Variants in RBBP7 observed in about 807,000 individuals in gnomAD.
RBBP7 encodes the protein histone-binding protein RBBP7.
In RBBP7, 5 loss-of-function variants were observed where a neutral mutation model predicts 35.2. The observed-to-expected ratio is 0.14, with a 90% CI of 0.07 to 0.30. RBBP7 has a LOEUF of 0.30. Ranked by LOEUF, RBBP7 falls within the 10% of genes least tolerant of loss-of-function variation. The pLI is 1.00. For synonymous variants in RBBP7, 140 were observed against 118.7 expected (o/e 1.18, Z -1.17); for missense variants, 155 against 327.5 (o/e 0.47, Z 4.07).
rs1453519762 is a variant in RBBP7, at chrX:16,845,954, A to C, written c.1099-16T>G. 1.7e-6 allele frequency: 2 copies of C among 1,200,516 alleles called. No homozygotes were observed. Among genetic ancestry groups the C allele is most frequent in the Non-Finnish European group, 2.2e-6 (2 of 892,195 alleles). On this transcript the variant is annotated splice_polypyrimidine_tract_variant and intron_variant, in intron 10 of 11. Transcript: ENST00000380087. ...CATGAATAAACTGTTACAAGAACAA[A>C]AAAAGCTTTGATTTCATATACTCTC...
At chrX:16,865,502 A>G (rs1930592908) in intron 2 of RBBP7, among the ~76,000 whole-genome samples, 1 of 111,975 alleles carries the variant, frequency 8.9e-6, no homozygotes, top group Non-Finnish European at 1.9e-5. Flanking sequence ...TAATTATTCC[A>G]GTTTTCCCCA....
intron 10 of RBBP7, chrX:16,846,853 T>G (rs1930090899): frequency 8.9e-6 from 1 of 112,030 alleles, no homozygotes; most frequent in Admixed American, 9.5e-5. Flanking sequence ...GAGGTGGGGC[T>G]GGGTAAAACT....
intron 6 of RBBP7, chrX:16,853,096 C>T (rs1930248681): frequency 1.2e-5 from 5 of 434,079 alleles, no homozygotes; most frequent in South Asian, 5.2e-5. Flanking sequence ...AAATTAGATT[C>T]CTATTTTAAT....
intron 5 of RBBP7, 114 bp downstream of exon 5, chrX:16,857,480 A>G (rs762727332): frequency 1.4e-4 from 155 of 1,091,099 alleles, no homozygotes; most frequent in Non-Finnish European, 1.8e-4. Flanking sequence ...ATGTTACCAC[A>G]ATAATCAGCA....
chrX:16,869,944 C>T, intron 1 of RBBP7, 94 bp downstream of exon 1: 3 of 751,696 alleles, frequency 4.0e-6, no homozygotes, highest in Non-Finnish European at 3.1e-6. Flanking sequence ...CTGCTCCGCA[C>T]GCCAATTCGC....
At chrX:16,855,142 C>T (rs924324977) in intron 5 of RBBP7, among the ~76,000 whole-genome samples, 1 of 109,561 alleles carries the variant, frequency 9.1e-6, no homozygotes, top group Non-Finnish European at 1.9e-5. Flanking sequence ...CTCCGCCTCC[C>T]GGGTTCAAGC....
intron 2 of RBBP7, among the ~76,000 whole-genome samples, chrX:16,867,935 T>C (rs768654323): frequency 9.1e-6 from 1 of 110,380 alleles, no homozygotes; most frequent in Non-Finnish European, 1.9e-5. Context: ...TCCGCCTGCC[T>C]CGGCCTCCCG....
intron 10 of RBBP7, chrX:16,848,618 G>T (rs5924560): frequency 0.51 from 56,487 of 110,751 alleles, 10,928 homozygotes; most frequent in East Asian, 0.85. Flanking sequence ...AGTGACTATC[G>T]GCCAAATAAT....
In RBBP7 at chrX:16,858,683, A is replaced by G. The variant is rs983326694; in HGVS notation, c.474T>C (p.Ala158=). ...VLVFDYTKHP[A]KPDPSGECNP... ...AACTCTATTATTACATACCTGGTTT[A>G]GCAGGGTGTTTTGTATAGTCAAAAA... Residue 158 remains alanine, a synonymous_variant, in exon 4 of 12, where the codon GCT becomes GCC. Transcript: ENST00000380087. The G allele has an allele frequency of 1.7e-6, 2 of 1,210,995 alleles. No homozygotes were observed. Among genetic ancestry groups the G allele is most frequent in the Admixed American group, 2.2e-5 (1 of 45,962 alleles).
At chrX:16,856,569 A>C (rs762822253) in intron 5 of RBBP7, among the ~76,000 whole-genome samples, 3 of 103,506 alleles carry the variant, frequency 2.9e-5, no homozygotes, top group Non-Finnish European at 6.1e-5. Context: ...ACAACAACAA[A>C]AACCAACTCC....
Position 16,844,744 on chromosome X carries a change from A to C in RBBP7, c.*291T>G. ...TCTTGCATATTTGGGAACAGCAAGC[A>C]CTTAGTTTGAGAAAATGAGGACTTA... On this transcript the variant is annotated 3_prime_UTR_variant, in exon 12 of 12. Transcript: ENST00000380087. 4.7e-6 allele frequency: 1 copy of C among 214,754 alleles called. No homozygotes were observed. The highest frequency in any genetic ancestry group is 8.4e-6 in the Non-Finnish European group (1 of 118,534). 17.7% of individuals were successfully genotyped at this position (214,754 alleles called of 1,213,427 possible). A position where few individuals can be genotyped will look rare whatever the true frequency, so the allele number is the denominator to read the frequency against.
intron 3 of RBBP7, among the ~76,000 whole-genome samples, chrX:16,860,617 T>A (rs1307181419): frequency 9.9e-6 from 1 of 101,156 alleles, no homozygotes; most frequent in African/African-American, 3.7e-5. Flanking sequence ...GAGGTTGCAG[T>A]GAGCTGAGGT....
chrX:16,852,820 T>C lies in RBBP7; in HGVS notation c.814A>G (p.Thr272Ala). ...AATGAGAGGCAGTTGACTTCGGCAGTGTGCGCATCCACCAAGTGACTCGGC... is the reference window on the plus strand; with the variant it reads ...AATGAGAGGCAGTTGACTTCGGCAGCGTGCGCATCCACCAAGTGACTCGGC... ...SKPSHLVDAH[T>A]AEVNCLSFNP... The change falls in exon 7 of 12, where the codon ACT becomes GCT. Residue 272 changes from threonine to alanine, a missense_variant. By Grantham distance (58) the Thr-to-Ala change is moderately conservative. Coordinates refer to ENST00000380087, the MANE Select transcript of RBBP7 (RefSeq NM_002893.4). 1 of 1,212,194 alleles carries C rather than the reference T, an allele frequency of 8.2e-7. No individual in the cohort carries two copies. The highest frequency in any genetic ancestry group is 1.1e-6 in the Non-Finnish European group (1 of 895,658).
intron 2 of RBBP7, among the ~76,000 whole-genome samples, chrX:16,866,588 A>C (rs1333993077): frequency 1.9e-5 from 2 of 104,544 alleles, no homozygotes; most frequent in African/African-American, 3.4e-5. Context: ...GCAAGAAAGC[A>C]AGCCAGCCAG....
chrX:16,863,150 T>C (rs780875922), intron 2 of RBBP7, 50 bp from the exon 3 acceptor site: 2 of 1,123,116 alleles, frequency 1.8e-6, no homozygotes, highest in East Asian at 3.0e-5. Flanking sequence ...AAATCTCCAA[T>C]TGCTAACAAA....
At chrX:16,859,050 G>A (rs774696412) in intron 3 of RBBP7, among the ~76,000 whole-genome samples, 13 of 112,372 alleles carry the variant, frequency 1.2e-4, no homozygotes, top group Non-Finnish European at 2.3e-4. Context: ...CATTTGCACT[G>A]GAAAATATTG....
Position 16,853,387 on chromosome X carries a change from AAAT to A in RBBP7, c.758+292_758+294del, listed in dbSNP as rs774415434. ...TCCATACCTAGTTTTCTTTTTTTCT[AAAT>A]AATAAGTGATCCTCCCACTTCAGCC... On this transcript the variant is annotated intron_variant, in intron 6 of 11. Coordinates refer to ENST00000380087, the MANE Select transcript of RBBP7 (RefSeq NM_002893.4). The A allele has an allele frequency of 4.6e-4, 92 of 200,735 alleles. 1 individual carries two copies. In the East Asian group the frequency reaches 7.7e-3, roughly 17 times the overall value. The allele number at this position is 200,735 out of a possible 1,213,427, so 16.5% of individuals were successfully genotyped here.
chrX:16,846,150 C>T, intron 10 of RBBP7: 1 of 442,552 alleles, frequency 2.3e-6, no homozygotes, highest in African/African-American at 2.5e-5. Context: ...CAATGGATAC[C>T]TGTATACCCT....
Position 16,870,129 on chromosome X carries a change from C to T in RBBP7, c.-76G>A. On this transcript the variant is annotated 5_prime_UTR_variant, in exon 1 of 12. Transcript: ENST00000380087. ...GCCAAGAGCAGCCCGACCGCTGGCGCTCCTGCCTTTCCCAAGCGCGTCACA... is the reference window on the plus strand; with the variant it reads ...GCCAAGAGCAGCCCGACCGCTGGCGTTCCTGCCTTTCCCAAGCGCGTCACA... 1 of 1,030,654 alleles carries T rather than the reference C, an allele frequency of 9.7e-7. No homozygotes were observed. Among genetic ancestry groups the T allele is most frequent in the Non-Finnish European group, 1.3e-6 (1 of 797,141 alleles). The allele number at this position is 1,030,654 out of a possible 1,213,427, so 84.9% of individuals were successfully genotyped here.
Sources: gnomAD v4.1 joint callset for allele counts (sites outside exome capture counted in the v4.1 genomes callset) on GRCh38, gnomAD v4.1.1 for gene constraint, MANE v1.5 for transcripts, NCBI Gene and HGNC (gene_info 2026-07-23, HGNC 2026-07-21) for gene names.